PVALB: variants seen among roughly 807,000 people sequenced by gnomAD.
PVALB encodes parvalbumin alpha.
A neutral mutation model predicts 10.9 loss-of-function variants in PVALB; 11 were observed. That is an observed-to-expected ratio of 1.01 (90% confidence interval 0.63 to 1.67). The LOEUF (loss-of-function observed/expected upper bound fraction) is 1.67. Among genes scored for constraint, PVALB ranks in the 40% most tolerant of loss-of-function variants. The pLI is 0.00. For synonymous variants in PVALB, 57 were observed against 50.7 expected, an observed-to-expected ratio of 1.12 and a Z score of -0.53; for missense variants, 131 against 136.2, an observed-to-expected ratio of 0.96 and a Z score of 0.19.
intron 3 of PVALB, among the ~76,000 whole-genome samples, chr22:36,806,264 AG>A (rs1938948289): frequency 6.6e-6 from 1 of 152,130 alleles, no homozygotes; most frequent in Non-Finnish European, 1.5e-5. Context: ...GCCAGCTTGC[AG>A]ATGTCATCAT....
chr22:36,805,582 ACC>A, intron 3 of PVALB, among the ~76,000 whole-genome samples: 1 of 152,214 alleles, frequency 6.6e-6, no homozygotes, highest in South Asian at 2.1e-4. Context: ...GCAACCCTGG[ACC>A]TACATCTGAA....
At chr22:36,807,317 A>G (rs1459262025) in intron 3 of PVALB, among the ~76,000 whole-genome samples, 6 of 152,198 alleles carry the variant, frequency 3.9e-5, no homozygotes, top group African/African-American at 1.4e-4. Flanking sequence ...TTGAGCTGGT[A>G]CCAGGGTGCA....
At chr22:36,813,576 G>A (rs1939080058) in intron 3 of PVALB, 70 bp downstream of exon 3, 21 of 1,279,596 alleles carry the variant, frequency 1.6e-5, no homozygotes, top group Middle Eastern at 1.9e-4. Context: ...GACAGACATA[G>A]CTTCAAACTT....
Position 36,800,931 on chromosome 22 carries a change from A to G in PVALB, c.305-13T>C, listed in dbSNP as rs1478980257. 1 of 1,607,658 alleles carries G rather than the reference A, an allele frequency of 6.2e-7. No homozygotes were observed. Among genetic ancestry groups the G allele is most frequent in the Non-Finnish European group, 8.5e-7 (1 of 1,174,480 alleles). On this transcript the variant is annotated splice_polypyrimidine_tract_variant and intron_variant, in intron 3 of 3. Coordinates refer to ENST00000417718, the MANE Select transcript of PVALB (RefSeq NM_001315532.2). ...AGAGTGGAGAATTCTGCAGAACAAA[A>G]TGACAAGGAAAGTGAGTCAGAGGCG...
At chr22:36,801,025 T>G in intron 3 of PVALB, 107 bp from the exon 4 acceptor site, 1 of 1,077,144 alleles carries the variant, frequency 9.3e-7, no homozygotes, top group South Asian at 1.3e-5. Context: ...GGTTCTTGCT[T>G]CTGCTGCAGC....
intron 3 of PVALB, among the ~76,000 whole-genome samples, chr22:36,809,512 G>A (rs546298099): frequency 2.0e-5 from 3 of 152,302 alleles, no homozygotes; most frequent in South Asian, 2.1e-4. Flanking sequence ...CAAAAGACCC[G>A]ACTTTCAGAC....
Position 36,801,057 on chromosome 22 carries a change from AAATG to A in PVALB, c.305-143_305-140del, listed in dbSNP as rs1021097608. ...CAGCAGCCCCAGAGCGTAAGTGTGA[AAATG>A]AATGAATGAATAAATGAATGAATGA... On this transcript the variant is annotated intron_variant, in intron 3 of 3. Transcript: ENST00000417718. 191 of 750,332 alleles carry A rather than the reference AAATG, an allele frequency of 2.5e-4. 1 individual carries two copies. The highest frequency in any genetic ancestry group is 1.7e-3 in the South Asian group (108 of 62,136). 46.5% of individuals were successfully genotyped at this position (750,332 alleles called of 1,614,324 possible). A position where few individuals can be genotyped will look rare whatever the true frequency, so the allele number is the denominator to read the frequency against.
chr22:36,817,107 G>T, upstream of PVALB: 1 of 1,128,392 alleles, frequency 8.9e-7, no homozygotes. Context: ...TGCGCGCCGG[G>T]CGCACGCCCG....
chr22:36,814,093 G>A (rs893052468), intron 2 of PVALB, among the ~76,000 whole-genome samples: 1 of 152,134 alleles, frequency 6.6e-6, no homozygotes, highest in East Asian at 1.9e-4. Flanking sequence ...GGTGATCTTC[G>A]GAAGGCACTG....
chr22:36,814,728 T>C (rs993891079), intron 2 of PVALB, among the ~76,000 whole-genome samples: 7 of 152,138 alleles, frequency 4.6e-5, no homozygotes, highest in African/African-American at 1.7e-4. Context: ...AAAGTGTCTT[T>C]TAGACAAATG....
Position 36,817,023 on chromosome 22 carries a change from G to C in PVALB, c.-18C>G, listed in dbSNP as rs756535223. On this transcript the variant is annotated 5_prime_UTR_variant, in exon 1 of 4. Coordinates refer to ENST00000417718, the MANE Select transcript of PVALB (RefSeq NM_001315532.2). The stretch of plus-strand genomic sequence containing the variant: ...ATCGACATCCTGCAACTGTTTGAGC[G>C]GGCAGAGCAAGTGCGAAAAGATTAA... 3 of 1,605,874 alleles carry C rather than the reference G, an allele frequency of 1.9e-6. No homozygotes were observed. The highest frequency in any genetic ancestry group is 2.6e-6 in the Non-Finnish European group (3 of 1,176,276).
chr22:36,814,899 G>A (rs1379689574), intron 2 of PVALB, among the ~76,000 whole-genome samples: 1 of 152,174 alleles, frequency 6.6e-6, no homozygotes, highest in Non-Finnish European at 1.5e-5. Context: ...TTTCAGCTGA[G>A]GGTTTTACTC....
chr22:36,811,638 G>T, intron 3 of PVALB: 1 of 433,696 alleles, frequency 2.3e-6, no homozygotes, highest in East Asian at 7.8e-5. Context: ...TAGGTTTTCT[G>T]TGAGCAGTCA....
intron 3 of PVALB, among the ~76,000 whole-genome samples, chr22:36,805,355 C>T (rs1355011962): frequency 1.3e-5 from 2 of 152,186 alleles, no homozygotes; most frequent in African/African-American, 2.4e-5. Flanking sequence ...AGCAAGCTCT[C>T]GGTATCTGGT....
At chr22:36,816,833 G>T in intron 1 of PVALB, 112 bp downstream of exon 1, 1 of 907,650 alleles carries the variant, frequency 1.1e-6, no homozygotes, top group Non-Finnish European at 1.6e-6. Context: ...CCAGCGGGAA[G>T]TGTGGGCAGA....
chr22:36,808,805 T>C (rs1939002848), intron 3 of PVALB, among the ~76,000 whole-genome samples: 1 of 152,232 alleles, frequency 6.6e-6, no homozygotes, highest in Non-Finnish European at 1.5e-5. Flanking sequence ...GCTTTGCAAC[T>C]GCAGGTGCTT....
chr22:36,813,845 G>T, intron 2 of PVALB, 90 bp from the exon 3 acceptor site: 1 of 990,246 alleles, frequency 1.0e-6, no homozygotes. Context: ...GTTTCTGTAT[G>T]GGGAAAGGGA....
chr22:36,803,171 A>C (rs1474045959), intron 3 of PVALB, among the ~76,000 whole-genome samples: 1 of 152,202 alleles, frequency 6.6e-6, no homozygotes, highest in Non-Finnish European at 1.5e-5. Flanking sequence ...AGGCTCAAAA[A>C]TTAAGTAGCT....
chr22:36,813,417 C>T, intron 3 of PVALB: 1 of 500,440 alleles, frequency 2.0e-6, no homozygotes, highest in Non-Finnish European at 3.6e-6. Context: ...GCAGGAAAAA[C>T]AGAATCTATT....
Sources: gnomAD v4.1 joint callset for allele counts (sites outside exome capture counted in the v4.1 genomes callset) on GRCh38, gnomAD v4.1.1 for gene constraint, MANE v1.5 for transcripts, NCBI Gene and HGNC (gene_info 2026-07-23, HGNC 2026-07-21) for gene names.